Variants in MUSK observed in about 807,000 individuals in gnomAD.
MUSK encodes the protein muscle, skeletal receptor tyrosine-protein kinase.
A neutral mutation model predicts 88.7 loss-of-function variants in MUSK; 55 were observed. The observed-to-expected ratio is 0.62, with a 90% confidence interval of 0.50 to 0.78. The LOEUF is 0.78. MUSK is among the 30% of genes least tolerant of loss of function. MUSK has a pLI of 0.00. For synonymous variants in MUSK, 387 were observed against 391.9 expected (o/e 0.99, Z 0.15); for missense variants, 1,015 against 1,074.3 (o/e 0.94, Z 0.77).
intron 5 of MUSK, among the ~76,000 whole-genome samples, chr9:110,706,951 C>A (rs2076607674): frequency 6.6e-6 from 1 of 151,986 alleles, no homozygotes; most frequent in African/African-American, 2.4e-5. Context: ...TTGCAGTGAG[C>A]TGAGATGGAG....
At chr9:110,719,452 C>A (rs1350946579) in intron 5 of MUSK, among the ~76,000 whole-genome samples, 1 of 151,862 alleles carries the variant, frequency 6.6e-6, no homozygotes, top group Non-Finnish European at 1.5e-5. Flanking sequence ...TTATATCAGA[C>A]AAAACAAACT....
Position 110,768,044 on chromosome 9 carries a change from G to T in MUSK, c.1145G>T (p.Cys382Phe). 6.2e-7 allele frequency: 1 copy of T among 1,613,954 alleles called. No homozygotes were observed. Among genetic ancestry groups the T allele is most frequent in the Non-Finnish European group, 8.5e-7 (1 of 1,179,866 alleles). Residue 382 changes from cysteine (C) to phenylalanine (F), a missense_variant, in exon 9 of 15, where the codon TGC becomes TTC. By Grantham distance (205) the Cys-to-Phe change is radical. Coordinates refer to ENST00000374448, the MANE Select transcript of MUSK (RefSeq NM_005592.4). Reference sequence around the variant, plus strand: ...TTGTGTAACCACATCTTCCAGGAGTGCAGTCCTGGAGTAGTGCCTACTCCT... The same window carrying T: ...TTGTGTAACCACATCTTCCAGGAGTTCAGTCCTGGAGTAGTGCCTACTCCT... ...ALLCNHIFQE[C>F]SPGVVPTPIP...
At chr9:110,698,606 C>T (rs1443925139) in intron 5 of MUSK, among the ~76,000 whole-genome samples, 2 of 152,082 alleles carry the variant, frequency 1.3e-5, no homozygotes, top group African/African-American at 2.4e-5. Flanking sequence ...TTAATGATCT[C>T]GTTTCCCACG....
intron 3 of MUSK, among the ~76,000 whole-genome samples, chr9:110,689,901 A>G (rs1486601745): frequency 1.2e-5 from 1 of 80,706 alleles, no homozygotes; most frequent in Non-Finnish European, 2.3e-5. Flanking sequence ...AATTATATAA[A>G]TATACATAAA....
intron 6 of MUSK, among the ~76,000 whole-genome samples, chr9:110,745,196 G>A (rs190576852): frequency 6.6e-6 from 1 of 152,180 alleles, no homozygotes; most frequent in Non-Finnish European, 1.5e-5. Flanking sequence ...CCTGGATGAA[G>A]TCCAGGAGAA....
chr9:110,783,924 G>T (rs1436889743), intron 11 of MUSK, among the ~76,000 whole-genome samples: 1 of 151,704 alleles, frequency 6.6e-6, no homozygotes, highest in African/African-American at 2.4e-5. Context: ...TGATCAAAAA[G>T]TCATTGATTT....
intron 1 of MUSK, among the ~76,000 whole-genome samples, chr9:110,678,437 C>T (rs1052896459): frequency 6.6e-6 from 1 of 152,112 alleles, no homozygotes; most frequent in Non-Finnish European, 1.5e-5. Flanking sequence ...AGCCACTGCA[C>T]CTGGCTCCTT....
intron 7 of MUSK, among the ~76,000 whole-genome samples, chr9:110,756,805 T>G (rs772574746): frequency 6.6e-6 from 1 of 152,118 alleles, no homozygotes; most frequent in Non-Finnish European, 1.5e-5. Context: ...GGGGTGATTG[T>G]GCCTTTTAGT....
chr9:110,689,028 A>T (rs1402702862), intron 3 of MUSK, among the ~76,000 whole-genome samples: 3 of 141,654 alleles, frequency 2.1e-5, no homozygotes, highest in African/African-American at 7.8e-5. Flanking sequence ...AAATATAAAT[A>T]CGTATAACTA....
At chr9:110,767,673 A>G (rs2077504863) in intron 8 of MUSK, 147 bp from the exon 9 acceptor site, 1 of 832,506 alleles carries the variant, frequency 1.2e-6, no homozygotes, top group Admixed American at 2.1e-5. Flanking sequence ...TGAAGACAAT[A>G]TTCAAATGGA....
intron 5 of MUSK, among the ~76,000 whole-genome samples, chr9:110,722,449 G>A (rs2076825883): frequency 6.6e-6 from 1 of 151,944 alleles, no homozygotes; most frequent in South Asian, 2.1e-4. Context: ...GGAATCACTT[G>A]AAACTGGGAG....
intron 5 of MUSK, among the ~76,000 whole-genome samples, chr9:110,708,869 G>A (rs1226080610): frequency 1.3e-5 from 2 of 152,134 alleles, no homozygotes. Flanking sequence ...AAATTGTTTA[G>A]TATAATGTTG....
chr9:110,776,533 C>A, intron 10 of MUSK, 99 bp from the exon 11 acceptor site: 1 of 955,774 alleles, frequency 1.0e-6, no homozygotes, highest in South Asian at 1.5e-5. Flanking sequence ...TATTAAAAAG[C>A]TGAGAGAGAA....
chr9:110,686,371 T>C (rs898213018), intron 2 of MUSK, among the ~76,000 whole-genome samples: 4 of 152,102 alleles, frequency 2.6e-5, no homozygotes, highest in African/African-American at 4.8e-5. Context: ...AGGTAACATA[T>C]TGACAGATTT....
rs1229456743 is a variant in MUSK at position 110,689,711 on chromosome 9, CTA to C, written c.358+2449_358+2450del. ...TATATAGTTATATATAAATATATAA[CTA>C]TATATGTTATATATAGTTTATATAT... On this transcript the variant is annotated intron_variant, in intron 3 of 14. Coordinates refer to ENST00000374448, the MANE Select transcript of MUSK (RefSeq NM_005592.4). Among the ~76,000 whole-genome samples, 3 of 32,692 alleles carry C rather than the reference CTA, an allele frequency of 9.2e-5. 1 individual carries two copies. The highest frequency in any genetic ancestry group is 5.6e-4 in the African/African-American group (2 of 3,542). 21.4% of individuals were successfully genotyped at this position (32,692 alleles called of 152,430 possible).
intron 5 of MUSK, chr9:110,728,751 A>G (rs2076922543): frequency 6.5e-7 from 1 of 1,544,320 alleles, no homozygotes; most frequent in East Asian, 2.3e-5. Context: ...GCTTCTTTTT[A>G]ATTGTGTAGC....
intron 7 of MUSK, among the ~76,000 whole-genome samples, chr9:110,758,032 T>C (rs1164060024): frequency 6.6e-6 from 1 of 151,636 alleles, no homozygotes; most frequent in Non-Finnish European, 1.5e-5. Flanking sequence ...TGGTGTGTGA[T>C]CTCGGCTCAT....
chr9:110,764,527 G>A (rs1236973181), intron 8 of MUSK, among the ~76,000 whole-genome samples: 2 of 152,040 alleles, frequency 1.3e-5, no homozygotes, highest in Non-Finnish European at 2.9e-5. Flanking sequence ...GGAAGTGGTT[G>A]AAACACTGAA....
intron 5 of MUSK, among the ~76,000 whole-genome samples, chr9:110,701,692 T>C (rs1186791338): frequency 5.2e-3 from 1 of 192 alleles, no homozygotes; most frequent in Non-Finnish European, 0.011. Context: ...TTACTTTACT[T>C]TATTTTATTT....
Sources: allele counts gnomAD v4.1 joint callset (sites outside exome capture counted in the v4.1 genomes callset), GRCh38; gene constraint gnomAD v4.1.1; transcripts MANE v1.5; gene names NCBI Gene and HGNC (gene_info 2026-07-23, HGNC 2026-07-21).